SH3PXD2A: variants seen among roughly 807,000 people sequenced by gnomAD.
SH3PXD2A encodes the protein SH3 and PX domains 2A.
In SH3PXD2A, 32 loss-of-function variants were observed where a neutral mutation model predicts 115.2. The ratio of observed to expected loss-of-function variants is 0.28; its 90% CI spans 0.21 to 0.37. The LOEUF (loss-of-function observed/expected upper bound fraction) is 0.37. SH3PXD2A is among the 10% of genes least tolerant of loss of function. The pLI is 1.00. For synonymous variants in SH3PXD2A, 610 were observed against 629.1 expected (o/e 0.97, Z 0.45); for missense variants, 1,328 against 1,498.7 (o/e 0.89, Z 1.88).
intron 8 of SH3PXD2A, among the ~76,000 whole-genome samples, chr10:103,628,886 G>A (rs764786385): frequency 6.6e-6 from 1 of 152,180 alleles, no homozygotes; most frequent in Non-Finnish European, 1.5e-5. Context: ...GTGTCTCCCA[G>A]ATTGCCCACT....
At chr10:103,634,180 A>G (rs547351699) in intron 8 of SH3PXD2A, among the ~76,000 whole-genome samples, 1 of 152,356 alleles carries the variant, frequency 6.6e-6, no homozygotes, top group South Asian at 2.1e-4. Flanking sequence ...GGAAAGGAGC[A>G]GGACTTACAT....
chr10:103,663,181 G>T (rs1284291877), intron 7 of SH3PXD2A, among the ~76,000 whole-genome samples: 1 of 152,160 alleles, frequency 6.6e-6, no homozygotes, highest in African/African-American at 2.4e-5. Flanking sequence ...ATTGCTGAGG[G>T]TCTCCAAGTT....
At chr10:103,833,927 CT>C (rs917887529) in intron 1 of SH3PXD2A, among the ~76,000 whole-genome samples, 2 of 152,126 alleles carry the variant, frequency 1.3e-5, no homozygotes, top group South Asian at 4.1e-4. Context: ...AATAAAGATG[CT>C]TTTTTGTCTG....
chr10:103,735,675 C>T (rs1157715775), intron 4 of SH3PXD2A, 57 bp downstream of exon 4: 2 of 1,338,214 alleles, frequency 1.5e-6, no homozygotes, highest in Non-Finnish European at 2.1e-6. Context: ...CAAATGGGCC[C>T]CTCTCCTCCC....
In SH3PXD2A at chr10:103,661,076, A is replaced by G. The variant is rs772430992; in HGVS notation, c.511T>C (p.Tyr171His). 6.8e-6 allele frequency: 11 copies of G among 1,613,932 alleles called. No individual in the cohort carries two copies. Among genetic ancestry groups the G allele is most frequent in the African/African-American group, 1.3e-5 (1 of 74,936 alleles). The change falls in exon 8 of 15, where the codon TAC becomes CAC. Residue 171 changes from tyrosine to histidine, a missense_variant. By Grantham distance (83) the Tyr-to-His change is moderately conservative (BLOSUM62 2). Transcript: ENST00000369774. ...TTCTTATAGTTGGACACCACCACGTACTGTTCCAGGATCATGGGCTCGGCG... is the reference window on the plus strand; with the variant it reads ...TTCTTATAGTTGGACACCACCACGTGCTGTTCCAGGATCATGGGCTCGGCG... The part of the protein sequence containing the change: ...ATAEPMILEQ[Y>H]VVVSNYKKQE...
intron 1 of SH3PXD2A, among the ~76,000 whole-genome samples, chr10:103,814,596 T>A (rs1346216507): frequency 6.6e-6 from 1 of 152,204 alleles, no homozygotes; most frequent in Admixed American, 6.5e-5. Context: ...AGTGACCACC[T>A]GTGACTGTGA....
At chr10:103,809,628 A>G (rs2039245071) in intron 1 of SH3PXD2A, among the ~76,000 whole-genome samples, 1 of 151,712 alleles carries the variant, frequency 6.6e-6, no homozygotes, top group Non-Finnish European at 1.5e-5. Context: ...CTTTGTTTGC[A>G]GGAATCATGG....
At chr10:103,733,927 C>CT (rs11302434) in intron 4 of SH3PXD2A, among the ~76,000 whole-genome samples, 3 of 150,082 alleles carry the variant, frequency 2.0e-5, no homozygotes, top group African/African-American at 4.9e-5. Flanking sequence ...TAATTTTAAA[C>CT]TTTTTTTTTT....
chr10:103,770,134 TA>T (rs139085960), intron 2 of SH3PXD2A, among the ~76,000 whole-genome samples: 3,210 of 152,330 alleles, frequency 0.021, 119 homozygotes, highest in African/African-American at 0.072. Context: ...TCCATCCATG[TA>T]AATAAAATGA....
At chr10:103,748,052 A>T (rs1017138985) in intron 3 of SH3PXD2A, among the ~76,000 whole-genome samples, 2 of 151,864 alleles carry the variant, frequency 1.3e-5, no homozygotes, top group African/African-American at 4.9e-5. Context: ...GGTTCCACCC[A>T]TCTCCTGCAA....
chr10:103,703,401 C>T (rs1362765978), intron 5 of SH3PXD2A, among the ~76,000 whole-genome samples: 3 of 152,240 alleles, frequency 2.0e-5, no homozygotes, highest in Non-Finnish European at 4.4e-5. Flanking sequence ...TGGTGTCACA[C>T]AGCTTGCAAT....
intron 8 of SH3PXD2A, among the ~76,000 whole-genome samples, chr10:103,643,386 T>C (rs995966520): frequency 6.6e-6 from 1 of 152,252 alleles, no homozygotes; most frequent in African/African-American, 2.4e-5. Context: ...AGTGTGTTTA[T>C]TTAAGTTGAC....
At chr10:103,720,879 G>A (rs144038925) in intron 5 of SH3PXD2A, among the ~76,000 whole-genome samples, 9 of 152,334 alleles carry the variant, frequency 5.9e-5, no homozygotes, top group East Asian at 1.9e-4. Flanking sequence ...TCCTGGAGGC[G>A]GAGCAGAGAC....
At chr10:103,681,798 A>G (rs1042186293) in intron 6 of SH3PXD2A, among the ~76,000 whole-genome samples, 1 of 152,210 alleles carries the variant, frequency 6.6e-6, no homozygotes, top group African/African-American at 2.4e-5. Context: ...CAGATCGGCC[A>G]GATGCGGTGG....
Position 103,787,845 on chromosome 10 carries a change from C to T in SH3PXD2A, c.153+13437G>A, listed in dbSNP as rs142006939. ...ATGGACCACATTCCTGGGCTCTTCC[C>T]GAGCCCCTCAGCCAGCACTGAGCAC... On this transcript the variant is annotated intron_variant, in intron 2 of 14. Coordinates refer to ENST00000369774, the MANE Select transcript of SH3PXD2A (RefSeq NM_001394015.1). 5.9e-3 allele frequency among the ~76,000 whole-genome samples: 897 copies of T among 152,300 alleles called. 9 individuals are homozygous for T. Among genetic ancestry groups the T allele is most frequent in the African/African-American group, 0.02 (843 of 41,562 alleles).
intron 3 of SH3PXD2A, among the ~76,000 whole-genome samples, chr10:103,758,893 G>T (rs1589443889): frequency 1.3e-5 from 2 of 152,264 alleles, no homozygotes; most frequent in African/African-American, 4.8e-5. Flanking sequence ...TGACATCCCA[G>T]GTCACCTGTG....
At chr10:103,789,528 C>T (rs1040425236) in intron 2 of SH3PXD2A, among the ~76,000 whole-genome samples, 2 of 141,614 alleles carry the variant, frequency 1.4e-5, no homozygotes, top group African/African-American at 2.7e-5. Flanking sequence ...GGTGTGTATA[C>T]GTACACACAC....
chr10:103,654,359 C>T (rs2037177335), intron 8 of SH3PXD2A, among the ~76,000 whole-genome samples: 1 of 152,178 alleles, frequency 6.6e-6, no homozygotes, highest in Non-Finnish European at 1.5e-5. Context: ...AGCCACCTCA[C>T]AGACCCTCAG....
At chr10:103,829,416 T>C (rs747854931) in intron 1 of SH3PXD2A, among the ~76,000 whole-genome samples, 19 of 152,186 alleles carry the variant, frequency 1.2e-4, no homozygotes, top group Admixed American at 3.9e-4. Flanking sequence ...GCGACTAAAA[T>C]GAACATTTGT....
Sources: gnomAD v4.1 joint callset for allele counts (sites outside exome capture counted in the v4.1 genomes callset) on GRCh38, gnomAD v4.1.1 for gene constraint, MANE v1.5 for transcripts, NCBI Gene and HGNC (gene_info 2026-07-23, HGNC 2026-07-21) for gene names.